Variants in RFX7 observed in about 807,000 individuals in gnomAD.
RFX7 encodes regulatory factor X7.
In RFX7, 26 loss-of-function variants were observed where a neutral mutation model predicts 111.8. The observed-to-expected ratio is 0.23, with a 90% CI of 0.17 to 0.32. The LOEUF (loss-of-function observed/expected upper bound fraction) is 0.32. Ranked by LOEUF, RFX7 falls within the 10% of genes least tolerant of loss-of-function variation. RFX7 has a pLI of 1.00. For synonymous variants in RFX7, 624 were observed against 624.4 expected (o/e 1.00, Z 0.01); for missense variants, 1,573 against 1,772.9 (o/e 0.89, Z 2.02).
chr15:56,196,020 T>C (rs191189921), intron 2 of RFX7, among the ~76,000 whole-genome samples: 1 of 152,296 alleles, frequency 6.6e-6, no homozygotes, highest in African/African-American at 2.4e-5. Flanking sequence ...GAATGAACTT[T>C]ATCATAAGGT....
intron 5 of RFX7, among the ~76,000 whole-genome samples, chr15:56,114,647 T>C (rs2041984689): frequency 6.6e-6 from 1 of 151,984 alleles, no homozygotes; most frequent in Non-Finnish European, 1.5e-5. Flanking sequence ...CAATGAACAA[T>C]ATATCTGAAA....
In RFX7 at chr15:56,204,177, G is replaced by A. The variant is rs375580768; in HGVS notation, c.162-24874C>T. Among the ~76,000 whole-genome samples, 15 of 151,846 alleles carry A rather than the reference G, an allele frequency of 9.9e-5. 1 individual carries two copies. The East Asian group carries it at 1.9e-3, about 20-fold the overall frequency. ...TGGGATTACAGGTGCGTACCACCACGCTTGGCTAATTTTGTATTTTTAATA... is the reference window on the plus strand; with the variant it reads ...TGGGATTACAGGTGCGTACCACCACACTTGGCTAATTTTGTATTTTTAATA... On this transcript the variant is annotated intron_variant, in intron 2 of 9. Transcript: ENST00000559447.
chr15:56,142,199 C>A (rs146747460), intron 5 of RFX7, among the ~76,000 whole-genome samples: 8 of 152,184 alleles, frequency 5.3e-5, no homozygotes, highest in Admixed American at 5.2e-4. Context: ...CTTTTTCTAA[C>A]CAGAAGGGCT....
chr15:56,181,487 T>C (rs1383880339), intron 2 of RFX7, among the ~76,000 whole-genome samples: 1 of 152,198 alleles, frequency 6.6e-6, no homozygotes, highest in Non-Finnish European at 1.5e-5. Flanking sequence ...TTAAGCTTCA[T>C]GATAGCAGGC....
At chr15:56,139,900 TG>T (rs1212376400) in intron 5 of RFX7, among the ~76,000 whole-genome samples, 50 of 152,316 alleles carry the variant, frequency 3.3e-4, no homozygotes, top group African/African-American at 9.4e-4. Context: ...GTGCCCCTGC[TG>T]GGGGGTGCCT....
At chr15:56,180,774 GAGCATGGTGGCTTGCACCTGTAGTCCC>G (rs2042961930) in intron 2 of RFX7, among the ~76,000 whole-genome samples, 1 of 143,576 alleles carries the variant, frequency 7.0e-6, no homozygotes, top group Non-Finnish European at 1.5e-5. Flanking sequence ...AAAAAAAGCC[GAGCATGGTGGCTTGCACCTGTAGTCCC>G]AGCTACTTGG....
chr15:56,240,502 T>C (rs1567057910), intron 2 of RFX7, among the ~76,000 whole-genome samples: 2 of 152,158 alleles, frequency 1.3e-5, no homozygotes, highest in Non-Finnish European at 2.9e-5. Flanking sequence ...ATATTTCAGT[T>C]TAATAAACAG....
chr15:56,144,375 T>C (rs1483886585), intron 4 of RFX7, 26 bp downstream of exon 4: 1 of 1,271,194 alleles, frequency 7.9e-7, no homozygotes, highest in South Asian at 1.2e-5. Context: ...ACAGCATAAT[T>C]ATAGCAAAGA....
intron 2 of RFX7, among the ~76,000 whole-genome samples, chr15:56,209,786 T>A (rs1386799628): frequency 1.3e-5 from 2 of 151,666 alleles, no homozygotes; most frequent in African/African-American, 4.8e-5. Context: ...CTGAAAACTC[T>A]AGGGCAAACA....
chr15:56,106,562 C>T (rs2041832551), intron 5 of RFX7, among the ~76,000 whole-genome samples: 1 of 152,132 alleles, frequency 6.6e-6, no homozygotes. Flanking sequence ...CAACTTCCTG[C>T]CAGATGTAGA....
At chr15:56,125,252 C>T (rs1375926610) in intron 5 of RFX7, among the ~76,000 whole-genome samples, 4 of 152,168 alleles carry the variant, frequency 2.6e-5, no homozygotes, top group Admixed American at 6.5e-5. Context: ...TTGGTTACTA[C>T]AGCTTTGCAG....
intron 5 of RFX7, among the ~76,000 whole-genome samples, chr15:56,107,782 G>A (rs1341815370): frequency 6.6e-6 from 1 of 151,964 alleles, no homozygotes. Context: ...GAATCAAATA[G>A]CAATAAAAAA....
At chr15:56,142,192 T>C (rs1388025945) in intron 5 of RFX7, among the ~76,000 whole-genome samples, 1 of 152,202 alleles carries the variant, frequency 6.6e-6, no homozygotes, top group East Asian at 1.9e-4. Context: ...TATTAACCTT[T>C]TTCTAACCAG....
At chr15:56,181,094 C>T (rs965623734) in intron 2 of RFX7, among the ~76,000 whole-genome samples, 2 of 152,170 alleles carry the variant, frequency 1.3e-5, no homozygotes, top group Admixed American at 6.5e-5. Context: ...TCCTTTGCTC[C>T]AAAGTCTTTA....
chr15:56,226,637 A>G (rs1317855707), intron 2 of RFX7, among the ~76,000 whole-genome samples: 1 of 152,214 alleles, frequency 6.6e-6, no homozygotes, highest in Non-Finnish European at 1.5e-5. Context: ...TAAATGGGCT[A>G]GAAGCAAAGA....
chr15:56,102,248 C>T lies in RFX7; in HGVS notation c.524G>A (p.Cys175Tyr). 1 of 1,602,376 alleles carries T rather than the reference C, an allele frequency of 6.2e-7. No individual in the cohort carries two copies. The highest frequency in any genetic ancestry group is 8.5e-7 in the Non-Finnish European group (1 of 1,170,810). ...RLGTRGKSKY[C>Y]YSGLRKKAFV... The stretch of plus-strand genomic sequence containing the variant: ...AGCTTTTTTTCTTAGTCCACTGTAG[C>T]AATATGTAATAAACAGTTAAGGTCT... The change falls in exon 7 of 10, where the codon TGC (cysteine) becomes TAC (tyrosine). Residue 175 changes from cysteine (C) to tyrosine (Y), a missense_variant. Cys to Tyr is a radical substitution (Grantham distance 194). Transcript: ENST00000559447.
rs142381141 is a variant in RFX7 at position 56,194,714 on chromosome 15, A to G, written c.162-15411T>C. On this transcript the variant is annotated intron_variant, in intron 2 of 9. Transcript: ENST00000559447. ...AAGGAAATAAAAAACATTCGGAATC[A>G]CACCATGAAGACATTTAAATTCACT... Among the ~76,000 whole-genome samples, 724 of 152,222 alleles carry G rather than the reference A, an allele frequency of 4.8e-3. 24 individuals are homozygous for G. In the East Asian group the frequency reaches 0.1, roughly 21 times the overall value.
In RFX7 at chr15:56,235,135, T is replaced by C. The variant is rs532467888; in HGVS notation, c.161+7990A>G. Among the ~76,000 whole-genome samples the C allele has an allele frequency of 2.6e-5, 4 of 151,826 alleles. No individual in the cohort carries two copies. The South Asian group carries it at 8.3e-4, about 32-fold the overall frequency. ...GAAAAAGGGTTATGGATAGTGCAAATTGAAGCAGCCAGTTCATACAGTAAT... is the reference window on the plus strand; with the variant it reads ...GAAAAAGGGTTATGGATAGTGCAAACTGAAGCAGCCAGTTCATACAGTAAT... On this transcript the variant is annotated intron_variant, in intron 2 of 9. Transcript: ENST00000559447.
At chr15:56,239,480 T>C (rs1271592687) in intron 2 of RFX7, among the ~76,000 whole-genome samples, 1 of 151,984 alleles carries the variant, frequency 6.6e-6, no homozygotes, top group Non-Finnish European at 1.5e-5. Context: ...ATGGCCAGGC[T>C]GGTCTTGAAC....
Sources: gnomAD v4.1 joint callset for allele counts (sites outside exome capture counted in the v4.1 genomes callset) on GRCh38, gnomAD v4.1.1 for gene constraint, MANE v1.5 for transcripts, NCBI Gene and HGNC (gene_info 2026-07-23, HGNC 2026-07-21) for gene names.